The following SLC22A23 variants were observed in gnomAD, a reference collection of about 807,000 sequenced individuals.
SLC22A23 encodes the protein solute carrier family 22 member 23.
SLC22A23 carries 26 observed loss-of-function variants against 61.0 expected under a neutral mutation model. The observed-to-expected ratio is 0.43, with a 90% confidence interval of 0.31 to 0.59. The LOEUF (loss-of-function observed/expected upper bound fraction) is 0.59. Among genes scored for constraint, SLC22A23 ranks in the 20% least tolerant of loss-of-function variants. The pLI is 0.11. For missense variants in SLC22A23, 796 were observed against 934.7 expected, an observed-to-expected ratio of 0.85 and a Z score of 1.94; for synonymous variants, 430 against 413.9, an observed-to-expected ratio of 1.04 and a Z score of -0.47.
chr6:3,404,264 C>T (rs1044469001), intron 3 of SLC22A23, among the ~76,000 whole-genome samples: 4 of 152,180 alleles, frequency 2.6e-5, no homozygotes, highest in Non-Finnish European at 4.4e-5. Context: ...CACTGGAAAG[C>T]CTATCTGTAC....
chr6:3,274,450 T>C (rs1287674821), intron 9 of SLC22A23, among the ~76,000 whole-genome samples: 1 of 152,130 alleles, frequency 6.6e-6, no homozygotes, highest in Non-Finnish European at 1.5e-5. Context: ...TCCTTTGGTT[T>C]GGGGAAGCTT....
chr6:3,346,506 T>C (rs1196346194), intron 3 of SLC22A23, among the ~76,000 whole-genome samples: 1 of 152,192 alleles, frequency 6.6e-6, no homozygotes, highest in Non-Finnish European at 1.5e-5. Context: ...CGCTACTCTG[T>C]TCCAGCTTGG....
intron 3 of SLC22A23, among the ~76,000 whole-genome samples, chr6:3,408,981 G>C (rs1194393297): frequency 6.6e-6 from 1 of 152,242 alleles, no homozygotes; most frequent in African/African-American, 2.4e-5. Context: ...CCTCTGCACA[G>C]ACTGTCAGGG....
intron 3 of SLC22A23, among the ~76,000 whole-genome samples, chr6:3,336,027 T>C (rs1763836027): frequency 6.6e-6 from 1 of 151,288 alleles, no homozygotes; most frequent in Non-Finnish European, 1.5e-5. Context: ...AGGTGGAGCT[T>C]GCAGTGAGCC....
chr6:3,385,857 G>C (rs535097344), intron 3 of SLC22A23, among the ~76,000 whole-genome samples: 4 of 152,334 alleles, frequency 2.6e-5, no homozygotes, highest in South Asian at 4.1e-4. Context: ...TCTGTTACCA[G>C]GACAGAGAGA....
At chr6:3,425,055 AT>A (rs1770399347) in intron 1 of SLC22A23, among the ~76,000 whole-genome samples, 1 of 152,104 alleles carries the variant, frequency 6.6e-6, no homozygotes, top group Non-Finnish European at 1.5e-5. Context: ...GTGCTCTGCT[AT>A]TTATCTTCTT....
chr6:3,365,512 G>A (rs957055221), intron 3 of SLC22A23, among the ~76,000 whole-genome samples: 2 of 152,138 alleles, frequency 1.3e-5, no homozygotes, highest in Non-Finnish European at 2.9e-5. Flanking sequence ...GCCTGAGTGA[G>A]TGAGTGCTAC....
rs141476527 is a variant in SLC22A23, at chr6:3,372,201, C to T, written c.913+37987G>A. Among the ~76,000 whole-genome samples the T allele has an allele frequency of 6.6e-6, 1 of 152,304 alleles. No individual in the cohort carries two copies. The highest frequency in any genetic ancestry group is 1.5e-5 in the Non-Finnish European group (1 of 68,038). On this transcript the variant is annotated intron_variant, in intron 3 of 9. Transcript: ENST00000406686. This position sits in a 1 kb window ranked among gnomAD's most constrained non-coding sequence, Gnocchi z 4.7. ...TGTGATGAGGCTGGACCACTTGGGA[C>T]TCTGAATATGCAAGGGAAGGGCAAG...
At chr6:3,290,100 G>C (rs1475379034) in intron 5 of SLC22A23, 6 of 568,940 alleles carry the variant, frequency 1.1e-5, no homozygotes, top group South Asian at 1.0e-4. Flanking sequence ...AGGGCACCAA[G>C]GTGCACCGTC....
chr6:3,425,743 G>A (rs1770449263), intron 1 of SLC22A23, among the ~76,000 whole-genome samples: 2 of 152,112 alleles, frequency 1.3e-5, no homozygotes, highest in South Asian at 4.2e-4. Context: ...CCATTGCATG[G>A]ACATTATTAC....
intron 5 of SLC22A23, chr6:3,290,995 G>A (rs181459884): frequency 3.3e-5 from 5 of 152,450 alleles, no homozygotes; most frequent in South Asian, 2.1e-4. Flanking sequence ...AGTCCTGGGC[G>A]GCATCCCGGG....
At chr6:3,282,951 T>C (rs1424432487) in intron 9 of SLC22A23, among the ~76,000 whole-genome samples, 1 of 152,098 alleles carries the variant, frequency 6.6e-6, no homozygotes, top group Non-Finnish European at 1.5e-5. Flanking sequence ...CACAGGTTAG[T>C]CACACCTTTT....
At chr6:3,281,907 C>A (rs1380112881) in intron 9 of SLC22A23, among the ~76,000 whole-genome samples, 21 of 152,224 alleles carry the variant, frequency 1.4e-4, no homozygotes, top group Non-Finnish European at 4.4e-5. Flanking sequence ...AGTTTGTCAT[C>A]TTGGCAAGCT....
At chr6:3,415,359 G>C (rs1013595011) in intron 2 of SLC22A23, among the ~76,000 whole-genome samples, 4 of 152,118 alleles carry the variant, frequency 2.6e-5, no homozygotes, top group African/African-American at 9.7e-5. Context: ...AGCTCGCATG[G>C]GGGAAGGGTC....
chr6:3,346,186 C>T lies in SLC22A23; in HGVS notation c.914-22184G>A, dbSNP rs1042621610. Among the ~76,000 whole-genome samples the T allele has an allele frequency of 2.6e-5, 4 of 152,122 alleles. No homozygotes were observed. In the East Asian group the frequency reaches 5.8e-4, roughly 22 times the overall value. ...GGCACAGACTCTCTTTGAATGTGCA[C>T]GATGCCAATCTGACAGGCCAGCGCC... On this transcript the variant is annotated intron_variant, in intron 3 of 9. Coordinates refer to ENST00000406686, the MANE Select transcript of SLC22A23 (RefSeq NM_015482.2).
intron 3 of SLC22A23, among the ~76,000 whole-genome samples, chr6:3,403,279 T>C (rs1183242163): frequency 6.6e-6 from 1 of 151,994 alleles, no homozygotes; most frequent in Non-Finnish European, 1.5e-5. Flanking sequence ...ATTGCTCTCT[T>C]ACACTCCTGA....
rs939391957 is a variant in SLC22A23, at chr6:3,414,558, A to C, written c.758+1194T>G. Among the ~76,000 whole-genome samples, 1 of 152,026 alleles carries C rather than the reference A, an allele frequency of 6.6e-6. No individual in the cohort carries two copies. Among genetic ancestry groups the C allele is most frequent in the Non-Finnish European group, 1.5e-5 (1 of 67,994 alleles). On this transcript the variant is annotated intron_variant, in intron 2 of 9. Transcript: ENST00000406686. This position sits in a 1 kb window ranked among gnomAD's most constrained non-coding sequence, Gnocchi z 5.1. ...CAAATACACGCTGGGTTTTGGAAGAAATTTTCCACATGTGTAATGTGACCC... is the reference window on the plus strand; with the variant it reads ...CAAATACACGCTGGGTTTTGGAAGACATTTTCCACATGTGTAATGTGACCC...
At chr6:3,348,445 G>C (rs1455230165) in intron 3 of SLC22A23, among the ~76,000 whole-genome samples, 3 of 152,184 alleles carry the variant, frequency 2.0e-5, no homozygotes, top group African/African-American at 7.2e-5. Flanking sequence ...TCTGCATTGT[G>C]TTTATCTTGC....
At chr6:3,452,965 G>C (rs1037966676) in intron 1 of SLC22A23, among the ~76,000 whole-genome samples, 8 of 152,154 alleles carry the variant, frequency 5.3e-5, no homozygotes, top group Non-Finnish European at 8.8e-5. Context: ...GGAGGGGTTG[G>C]TGATCATGGT....
Sources: gnomAD v4.1 joint callset for allele counts (sites outside exome capture counted in the v4.1 genomes callset) on GRCh38, gnomAD v4.1.1 for gene constraint, Gnocchi (gnomAD v3.1) non-coding constraint, MANE v1.5 for transcripts, NCBI Gene and HGNC (gene_info 2026-07-23, HGNC 2026-07-21) for gene names.